MFSD6: variants seen among roughly 807,000 people sequenced by gnomAD.
MFSD6 encodes major facilitator superfamily domain containing 6.
A neutral mutation model predicts 56.3 loss-of-function variants in MFSD6; 26 were observed. That is an observed-to-expected ratio of 0.46 (90% CI 0.34 to 0.64). MFSD6 has a LOEUF of 0.64. MFSD6 is among the 30% of genes least tolerant of loss of function. The pLI is 0.01. For missense variants in MFSD6, 750 were observed against 986.2 expected, an observed-to-expected ratio of 0.76 and a Z score of 3.21; for synonymous variants, 331 against 366.9, an observed-to-expected ratio of 0.90 and a Z score of 1.12.
Position 190,412,118 on chromosome 2 carries a change from C to T in MFSD6, c.-175-3174C>T. 1.0e-6 allele frequency: 1 copy of T among 984,206 alleles called. No homozygotes were observed. The highest frequency in any genetic ancestry group is 1.2e-6 in the Non-Finnish European group (1 of 828,916). The allele number at this position is 984,206 out of a possible 1,614,324, so 61.0% of individuals were successfully genotyped here. A position where few individuals can be genotyped will look rare whatever the true frequency, so the allele number is the denominator to read the frequency against. ...CATATGTACTTGTTAAATACAGTCC[C>T]ATAGTTCTATCCAATTCTATGTAAA... On this transcript the variant is annotated intron_variant, in intron 1 of 7. Transcript: ENST00000392328. The surrounding 1 kb of genome is among the most constrained non-coding windows in gnomAD (Gnocchi z 4.1).
Position 190,456,781 on chromosome 2 carries a change from G to A in MFSD6, c.1533-12977G>A, listed in dbSNP as rs1312029229. Among the ~76,000 whole-genome samples, 1 of 152,192 alleles carries A rather than the reference G, an allele frequency of 6.6e-6. No homozygotes were observed. Among genetic ancestry groups the A allele is most frequent in the East Asian group, 1.9e-4 (1 of 5,200 alleles). On this transcript the variant is annotated intron_variant, in intron 3 of 7. Transcript: ENST00000392328. This position sits in a 1 kb window ranked among gnomAD's most constrained non-coding sequence, Gnocchi z 5.4. ...TCACCCCTCGTCCTGCCTCAGCATC[G>A]ATACCTGCAGTTTCTGTGGCTACCT...
At chr2:190,450,517 G>T in intron 3 of MFSD6, among the ~76,000 whole-genome samples, 1 of 91,166 alleles carries the variant, frequency 1.1e-5, no homozygotes. Flanking sequence ...TTTGAGACAG[G>T]GGTCTCACTC....
At chr2:190,441,897 C>T (rs977448939) in intron 3 of MFSD6, among the ~76,000 whole-genome samples, 2 of 152,202 alleles carry the variant, frequency 1.3e-5, no homozygotes, top group Non-Finnish European at 2.9e-5. Context: ...TTTTCTGTCA[C>T]CTACCTAACC....
intron 3 of MFSD6, among the ~76,000 whole-genome samples, chr2:190,464,436 C>T (rs961204840): frequency 6.6e-6 from 1 of 152,188 alleles, no homozygotes; most frequent in African/African-American, 2.4e-5. Flanking sequence ...TTGCTGCTCA[C>T]ACCCTGTGTT....
At position 190,456,277 on chromosome 2, in the gene MFSD6, T is replaced by C. The variant is rs955473223; in HGVS notation, c.1533-13481T>C. On this transcript the variant is annotated intron_variant, in intron 3 of 7. Coordinates refer to ENST00000392328, the MANE Select transcript of MFSD6 (RefSeq NM_017694.4). The surrounding 1 kb of genome is among the most constrained non-coding windows in gnomAD (Gnocchi z 5.4). ...TTTCCTTACTTGAAAAATCCATGAC[T>C]TAAATTTCACTTCAGACAGAGAAGG... Among the ~76,000 whole-genome samples, 5 of 152,132 alleles carry C rather than the reference T, an allele frequency of 3.3e-5. No individual in the cohort carries two copies. The highest frequency in any genetic ancestry group is 2.6e-4 in the Admixed American group (4 of 15,270).
rs937560118 is a variant in MFSD6 at position 190,489,253 on chromosome 2, A to C, written c.1792+435A>C. On this transcript the variant is annotated intron_variant, in intron 5 of 7. Coordinates refer to ENST00000392328, the MANE Select transcript of MFSD6 (RefSeq NM_017694.4). This position sits in a 1 kb window ranked among gnomAD's most constrained non-coding sequence, Gnocchi z 6.6. ...GTAATGCTACTACATTTATGGTAAC[A>C]ATATCTGTCTGTCTTGTCATATCTT... Among the ~76,000 whole-genome samples the C allele has an allele frequency of 6.6e-6, 1 of 152,222 alleles. No homozygotes were observed. Among genetic ancestry groups the C allele is most frequent in the Admixed American group, 6.5e-5 (1 of 15,288 alleles).
chr2:190,492,902 A>G lies in MFSD6; in HGVS notation c.1891+3036A>G, dbSNP rs759669313. Among the ~76,000 whole-genome samples the G allele has an allele frequency of 8.5e-5, 13 of 152,138 alleles. No homozygotes were observed. Among genetic ancestry groups the G allele is most frequent in the African/African-American group, 2.2e-4 (9 of 41,422 alleles). On this transcript the variant is annotated intron_variant, in intron 6 of 7. Transcript: ENST00000392328. The surrounding 1 kb of genome is among the most constrained non-coding windows in gnomAD (Gnocchi z 5.2). Reference sequence around the variant, plus strand: ...CTCTAAATCTTGAAACAAATCCTGGAAACACATCCAAACAGAACCTCTTTA... The same window carrying G: ...CTCTAAATCTTGAAACAAATCCTGGGAACACATCCAAACAGAACCTCTTTA...
rs1262059034 is a variant in MFSD6, at chr2:190,495,075, T to C, written c.1892-2364T>C. On this transcript the variant is annotated intron_variant, in intron 6 of 7. Transcript: ENST00000392328. The surrounding 1 kb of genome is among the most constrained non-coding windows in gnomAD (Gnocchi z 4.7). ...AAGTCAAACTGTCGCTGTTTGCTGA[T>C]GATAAGATTGTATACCTAGAAAACC... Among the ~76,000 whole-genome samples, 1 of 152,182 alleles carries C rather than the reference T, an allele frequency of 6.6e-6. No individual in the cohort carries two copies. The highest frequency in any genetic ancestry group is 1.5e-5 in the Non-Finnish European group (1 of 68,026).
rs1366561773 is a variant in MFSD6, at chr2:190,471,026, T to C, written c.1630+1171T>C. ...CTTGGTCTTTAATAATAAGAAATTATTGTTTCTAATAATTAGAACTCTGGA... is the reference window on the plus strand; with the variant it reads ...CTTGGTCTTTAATAATAAGAAATTACTGTTTCTAATAATTAGAACTCTGGA... On this transcript the variant is annotated intron_variant, in intron 4 of 7. Coordinates refer to ENST00000392328, the MANE Select transcript of MFSD6 (RefSeq NM_017694.4). This position sits in a 1 kb window ranked among gnomAD's most constrained non-coding sequence, Gnocchi z 4.7. Among the ~76,000 whole-genome samples the C allele has an allele frequency of 6.6e-6, 1 of 152,194 alleles. No individual in the cohort carries two copies. Among genetic ancestry groups the C allele is most frequent in the African/African-American group, 2.4e-5 (1 of 41,444 alleles).
chr2:190,475,812 T>C (rs911422726), intron 4 of MFSD6, among the ~76,000 whole-genome samples: 2 of 151,942 alleles, frequency 1.3e-5, no homozygotes, highest in African/African-American at 4.8e-5. Context: ...CTTCAAACTA[T>C]ACTACAAGCC....
At chr2:190,430,806 C>A (rs1056915691) in intron 2 of MFSD6, among the ~76,000 whole-genome samples, 10 of 146,184 alleles carry the variant, frequency 6.8e-5, no homozygotes, top group Admixed American at 4.1e-4. Context: ...GCGCCCCCCC[C>A]ACCTCCCTCC....
At position 190,461,581 on chromosome 2, in the gene MFSD6, C is replaced by T. The variant is rs1242557331; in HGVS notation, c.1533-8177C>T. Among the ~76,000 whole-genome samples the T allele has an allele frequency of 6.6e-6, 1 of 152,138 alleles. No individual in the cohort carries two copies. Among genetic ancestry groups the T allele is most frequent in the African/African-American group, 2.4e-5 (1 of 41,416 alleles). ...TGCAAGATCAAAGTGTTGGCAGGTT[C>T]GGTGACTGGTAAAGGCCTCGTTCTC... On this transcript the variant is annotated intron_variant, in intron 3 of 7. Coordinates refer to ENST00000392328, the MANE Select transcript of MFSD6 (RefSeq NM_017694.4). This position sits in a 1 kb window ranked among gnomAD's most constrained non-coding sequence, Gnocchi z 5.5.
intron 3 of MFSD6, among the ~76,000 whole-genome samples, chr2:190,468,365 T>C (rs1449501301): frequency 6.6e-6 from 1 of 152,154 alleles, no homozygotes; most frequent in African/African-American, 2.4e-5. Flanking sequence ...CTTTTCCATA[T>C]GTGAGATTAG....
At position 190,416,796 on chromosome 2, in the gene MFSD6, T is replaced by C. The variant is rs998516131; in HGVS notation, c.-54+1383T>C. 9.2e-5 allele frequency among the ~76,000 whole-genome samples: 14 copies of C among 152,184 alleles called. No homozygotes were observed. The highest frequency in any genetic ancestry group is 3.4e-4 in the African/African-American group (14 of 41,424). ...GCTCTAGAATCCTTCTGGGAGTTAA[T>C]TGACTTAAGTTTGTATGGAAAAGGA... On this transcript the variant is annotated intron_variant, in intron 2 of 7. Transcript: ENST00000392328. This position sits in a 1 kb window ranked among gnomAD's most constrained non-coding sequence, Gnocchi z 4.1.
At chr2:190,422,732 A>C (rs905748916) in intron 2 of MFSD6, among the ~76,000 whole-genome samples, 3 of 152,150 alleles carry the variant, frequency 2.0e-5, no homozygotes, top group African/African-American at 7.2e-5. Flanking sequence ...TCACTCAGAC[A>C]ACTCTTATCT....
At chr2:190,411,494 G>A in intron 1 of MFSD6, 1 of 985,374 alleles carries the variant, frequency 1.0e-6, no homozygotes, top group Non-Finnish European at 1.2e-6. Flanking sequence ...ACAAGATGGA[G>A]AAAAGAGGAT....
In MFSD6 at chr2:190,433,254, C is replaced by T. The variant is rs1377424432; in HGVS notation, c.-53-2723C>T. ...TACATTTGAAACACAAGAAATGTTTCTTTGAATTTTGAGCTCAGGAATTAA... is the reference window on the plus strand; with the variant it reads ...TACATTTGAAACACAAGAAATGTTTTTTTGAATTTTGAGCTCAGGAATTAA... On this transcript the variant is annotated intron_variant, in intron 2 of 7. Coordinates refer to ENST00000392328, the MANE Select transcript of MFSD6 (RefSeq NM_017694.4). The surrounding 1 kb of genome is among the most constrained non-coding windows in gnomAD (Gnocchi z 4.5). 6.6e-6 allele frequency: 1 copy of T among 151,148 alleles called. No homozygotes were observed. The highest frequency in any genetic ancestry group is 1.9e-4 in the East Asian group (1 of 5,190). 9.4% of individuals were successfully genotyped at this position (151,148 alleles called of 1,614,324 possible).
At chr2:190,408,170 C>A (rs1690379050), upstream of MFSD6, among the ~76,000 whole-genome samples, 5 of 151,982 alleles carry the variant, frequency 3.3e-5, no homozygotes, top group South Asian at 1.0e-3. Context: ...CAGCGCCCGG[C>A]CCTGAAACGG....
chr2:190,420,699 CT>C (rs1238614700), intron 2 of MFSD6, among the ~76,000 whole-genome samples: 2 of 152,078 alleles, frequency 1.3e-5, no homozygotes, highest in African/African-American at 4.8e-5. Flanking sequence ...TTTTTGGTTT[CT>C]TTTTGTCCCT....
Sources: allele counts gnomAD v4.1 joint callset (sites outside exome capture counted in the v4.1 genomes callset), GRCh38; gene constraint gnomAD v4.1.1; non-coding constraint Gnocchi (gnomAD v3.1); transcripts MANE v1.5; gene names NCBI Gene and HGNC (gene_info 2026-07-23, HGNC 2026-07-21).